The following FANCG variants were observed in gnomAD, a reference collection of about 807,000 sequenced individuals.
The protein encoded by FANCG is Fanconi anemia group G protein.
Under a neutral mutation model 73.3 loss-of-function variants are expected in FANCG, and 67 were observed. The observed-to-expected ratio is 0.91, with a 90% CI of 0.75 to 1.12. The LOEUF is 1.12. Among genes scored for constraint, FANCG ranks in the 50% most tolerant of loss-of-function variants. The pLI is 0.00. For synonymous variants in FANCG, 297 were observed against 311.6 expected, an observed-to-expected ratio of 0.95 and a Z score of 0.49; for missense variants, 643 against 735.6, an observed-to-expected ratio of 0.87 and a Z score of 1.46.
rs775291829 is a variant in FANCG at position 35,077,276 on chromosome 9, C to T, written c.634G>A (p.Ala212Thr). The change falls in exon 5 of 14, where the codon GCC (alanine) becomes ACC (threonine). Residue 212 changes from alanine to threonine, a missense_variant. Transcript: ENST00000378643. ...GLKDVLLTAF[A>T]YRQGLQELIT... ...GTTGCTAGCTGACCTTGGCGGTAGG[C>T]AAATGCTGTCAGGAGGACATCCTTC... 30 of 1,614,174 alleles carry T rather than the reference C, an allele frequency of 1.9e-5. No individual in the cohort carries two copies. The highest frequency in any genetic ancestry group is 1.5e-5 in the Non-Finnish European group (18 of 1,180,016).
intron 8 of FANCG, 134 bp downstream of exon 8, chr9:35,076,298 G>A: frequency 1.9e-6 from 2 of 1,041,992 alleles, no homozygotes; most frequent in Non-Finnish European, 3.0e-6. Context: ...CAAGGTAAGA[G>A]GCTGAGGAGT....
At chr9:35,074,319 C>A (rs1829038815) in intron 13 of FANCG, 52 bp downstream of exon 13, 19 of 1,613,588 alleles carry the variant, frequency 1.2e-5, no homozygotes, top group Non-Finnish European at 1.5e-5. Context: ...GGTCCAAGGA[C>A]TCTAGGACAC....
In FANCG at chr9:35,077,738, G is replaced by GCCCT. The variant is rs377085308; in HGVS notation, c.511-343_511-340dup. On this transcript the variant is annotated intron_variant, in intron 4 of 13. Coordinates refer to ENST00000378643, the MANE Select transcript of FANCG (RefSeq NM_004629.2). ...AGCTGACTTGAGCAAGATCACAAGAGCCCTATCCCTATCCAAAAAAAAATT... is the reference window on the plus strand; with the variant it reads ...AGCTGACTTGAGCAAGATCACAAGAGCCCTCCCTATCCCTATCCAAAAAAAAATT... Among the ~76,000 whole-genome samples the GCCCT allele has an allele frequency of 6.1e-3, 928 of 151,800 alleles. 10 individuals are homozygous for GCCCT. The highest frequency in any genetic ancestry group is 0.02 in the African/African-American group (845 of 41,278).
chr9:35,077,518 C>T, intron 4 of FANCG, 119 bp from the exon 5 acceptor site: 1 of 1,203,572 alleles, frequency 8.3e-7, no homozygotes, highest in Admixed American at 1.8e-5. Flanking sequence ...AGGACACAGG[C>T]CTCAGCTACC....
In FANCG at chr9:35,078,604, C is replaced by G. The variant is rs200479612; in HGVS notation, c.307+1G>C. On this transcript the variant is annotated splice_donor_variant, in intron 3 of 13. Coordinates refer to ENST00000378643, the MANE Select transcript of FANCG (RefSeq NM_004629.2). LOFTEE classifies it high-confidence loss of function. ...AATCAGGGACAATCTCTGGCCCTCACCTCTCTCTAGGCTCCGCTGGATATC... is the reference window on the plus strand; with the variant it reads ...AATCAGGGACAATCTCTGGCCCTCAGCTCTCTCTAGGCTCCGCTGGATATC... 36 of 1,614,040 alleles carry G rather than the reference C, an allele frequency of 2.2e-5. No individual in the cohort carries two copies. The East Asian group carries it at 6.2e-4, about 28-fold the overall frequency.
intron 4 of FANCG, 103 bp from the exon 5 acceptor site, chr9:35,077,502 T>C: frequency 4.2e-6 from 6 of 1,429,674 alleles, no homozygotes; most frequent in Non-Finnish European, 5.9e-6. Flanking sequence ...GTCCTCTTGA[T>C]CCTTGAGGAC....
chr9:35,079,390 G>T, intron 1 of FANCG, 51 bp downstream of exon 1: 1 of 1,605,744 alleles, frequency 6.2e-7, no homozygotes, highest in East Asian at 2.2e-5. Flanking sequence ...CTGCAAACCC[G>T]CTTTCAGGGA....
Position 35,074,475 on chromosome 9 carries a change from AAAGT to A in FANCG, c.1652_1655del (p.Tyr551PhefsTer7), listed in dbSNP as rs770263417. On this transcript the variant is annotated frameshift_variant, in exon 13 of 14. Coordinates refer to ENST00000378643, the MANE Select transcript of FANCG (RefSeq NM_004629.2). LOFTEE classifies it high-confidence loss of function. ...GCCTCTTCAGAGTCTGAAGCAGGTGAAAGTAAGTGTCTCGATTACCTGTAGCCCC... is the reference window on the plus strand; with the variant it reads ...GCCTCTTCAGAGTCTGAAGCAGGTGAAAGTGTCTCGATTACCTGTAGCCCC... 2 of 1,614,162 alleles carry A rather than the reference AAAGT, an allele frequency of 1.2e-6. No individual in the cohort carries two copies. The highest frequency in any genetic ancestry group is 2.2e-5 in the South Asian group (2 of 91,084).
At position 35,074,993 on chromosome 9, in the gene FANCG, A is replaced by T. The variant is rs776904008; in HGVS notation, c.1570T>A (p.Trp524Arg). Residue 524 changes from tryptophan to arginine, a missense_variant, in exon 12 of 14, where the codon TGG becomes AGG. By Grantham distance (101) the Trp-to-Arg change is moderately radical. Coordinates refer to ENST00000378643, the MANE Select transcript of FANCG (RefSeq NM_004629.2). ...TTGGTATCCTGGCCGCTGGCTACCCATTCCAGTCCACGACTAATTAGGGCG... is the reference window on the plus strand; with the variant it reads ...TTGGTATCCTGGCCGCTGGCTACCCTTTCCAGTCCACGACTAATTAGGGCG... The part of the protein sequence containing the change: ...AAALISRGLE[W>R]VASGQDTKAL... The T allele has an allele frequency of 6.2e-7, 1 of 1,614,210 alleles. No homozygotes were observed. The highest frequency in any genetic ancestry group is 8.5e-7 in the Non-Finnish European group (1 of 1,180,038).
chr9:35,078,883 G>A (rs1829133209), intron 2 of FANCG, 147 bp from the exon 3 acceptor site: 9 of 1,209,338 alleles, frequency 7.4e-6, no homozygotes, highest in Non-Finnish European at 9.4e-6. Flanking sequence ...TTTAAAAAAA[G>A]AACCCAACCT....
In FANCG at chr9:35,076,542, G is replaced by A; in HGVS notation, c.966C>T (p.Leu322=). ...VPCSSKAPQF[L]IEVELLLPPP... ...GTGGCAGTAGTAATTCTACCTCAAT[G>A]AGAAACTGCGGGGCTTTGGAACTGC... Residue 322 remains leucine, a synonymous_variant, in exon 8 of 14, where the codon CTC becomes CTT. Transcript: ENST00000378643. 6.2e-7 allele frequency: 1 copy of A among 1,614,190 alleles called. No individual in the cohort carries two copies. The highest frequency in any genetic ancestry group is 1.1e-5 in the South Asian group (1 of 91,086).
Position 35,073,970 on chromosome 9 carries a change from C to T in FANCG, c.*138G>A, listed in dbSNP as rs1258020730. On this transcript the variant is annotated 3_prime_UTR_variant, in exon 14 of 14. Transcript: ENST00000378643. The stretch of plus-strand genomic sequence containing the variant: ...GAATGGTAGTAACTAGGGCAAATTT[C>T]ACAGGCCTACCACCAATCTCACCAG... 1.3e-6 allele frequency: 1 copy of T among 747,458 alleles called. No individual in the cohort carries two copies. The highest frequency in any genetic ancestry group is 2.4e-6 in the Non-Finnish European group (1 of 422,006). 46.3% of individuals were successfully genotyped at this position (747,458 alleles called of 1,614,324 possible).
chr9:35,074,544 G>C (rs1024155995), intron 12 of FANCG, 50 bp from the exon 13 acceptor site: 8 of 1,612,926 alleles, frequency 5.0e-6, no homozygotes, highest in Non-Finnish European at 6.8e-6. Context: ...CATAGTCTTA[G>C]GCATTGTTTT....
chr9:35,074,442 C>G lies in FANCG; in HGVS notation c.1689G>C (p.Arg563=), dbSNP rs138855718. Residue 563 remains arginine, a synonymous_variant, in exon 13 of 14, where the codon CGG becomes CGC. Transcript: ENST00000378643. Reference sequence around the variant, plus strand: ...ACCAGAGTGCAGTGGCCTCATCCCTCCGATCTAGCCTCTTCAGAGTCTGAA... The same window carrying G: ...ACCAGAGTGCAGTGGCCTCATCCCTGCGATCTAGCCTCTTCAGAGTCTGAA... The part of the protein sequence containing the change: ...HLLQTLKRLD[R]RDEATALWWR... 1.5e-4 allele frequency: 244 copies of G among 1,614,066 alleles called. No homozygotes were observed. The highest frequency in any genetic ancestry group is 2.0e-4 in the Non-Finnish European group (238 of 1,180,036).
chr9:35,074,182 A>G lies in FANCG; in HGVS notation c.1795T>C (p.Trp599Arg). Reference sequence around the variant, plus strand: ...GCGTCACGATCAGAGGGACGGATCCAGCTCAAATAGCTTTCTAGGTACAGG... The same window carrying G: ...GCGTCACGATCAGAGGGACGGATCCGGCTCAAATAGCTTTCTAGGTACAGG... Reference protein sequence around the residue: ...LPLYLESYLSWIRPSDRDAFL... With the variant: ...LPLYLESYLSRIRPSDRDAFL... The change falls in exon 14 of 14, where the codon TGG (tryptophan) becomes CGG (arginine). Residue 599 changes from tryptophan (W) to arginine (R), a missense_variant. Physicochemically the swap from Trp to Arg is moderately radical, Grantham distance 101. Transcript: ENST00000378643. 6.2e-7 allele frequency: 1 copy of G among 1,614,078 alleles called. No homozygotes were observed. The highest frequency in any genetic ancestry group is 8.5e-7 in the Non-Finnish European group (1 of 1,179,874).
rs961011231 is a variant in FANCG at position 35,077,385 on chromosome 9, C to G, written c.525G>C (p.Lys175Asn). The change falls in exon 5 of 14, where the codon AAG becomes AAC. Residue 175 changes from lysine (K) to asparagine (N), a missense_variant. Coordinates refer to ENST00000378643, the MANE Select transcript of FANCG (RefSeq NM_004629.2). ...AAGTTTTCAGAAGTAACAGCAGATCCTTAGAGGCTCCACTCTGGGGAAAGA... is the reference window on the plus strand; with the variant it reads ...AAGTTTTCAGAAGTAACAGCAGATCGTTAGAGGCTCCACTCTGGGGAAAGA... Reference protein sequence around the residue: ...TLNGSQSGASKDLLLLLKTWS... With the variant: ...TLNGSQSGASNDLLLLLKTWS... 19 of 1,613,976 alleles carry G rather than the reference C, an allele frequency of 1.2e-5. No individual in the cohort carries two copies. The highest frequency in any genetic ancestry group is 1.5e-5 in the Non-Finnish European group (18 of 1,180,018).
chr9:35,079,648 T>G lies in FANCG; in HGVS notation c.-124A>C, dbSNP rs1486039897. The G allele has an allele frequency of 1.1e-6, 1 of 935,760 alleles. No individual in the cohort carries two copies. The highest frequency in any genetic ancestry group is 1.6e-5 in the African/African-American group (1 of 62,032). 58.0% of individuals were successfully genotyped at this position (935,760 alleles called of 1,614,324 possible). On this transcript the variant is annotated 5_prime_UTR_variant, in exon 1 of 14. Coordinates refer to ENST00000378643, the MANE Select transcript of FANCG (RefSeq NM_004629.2). Reference sequence around the variant, plus strand: ...TCTGCACCCCGCCGAGCTCCCCTGCTTCTCTCGGGGTCCCAATCCACCCGC... The same window carrying G: ...TCTGCACCCCGCCGAGCTCCCCTGCGTCTCTCGGGGTCCCAATCCACCCGC...
chr9:35,079,568 G>A lies in FANCG; in HGVS notation c.-44C>T. On this transcript the variant is annotated 5_prime_UTR_variant, in exon 1 of 14. Coordinates refer to ENST00000378643, the MANE Select transcript of FANCG (RefSeq NM_004629.2). ...CGGAGACCAGAAGCGGACTTAGGAA[G>A]GGTGAAGCTGGCCTGCCCAAGCTCC... 1.9e-6 allele frequency: 3 copies of A among 1,599,890 alleles called. No homozygotes were observed. The highest frequency in any genetic ancestry group is 2.6e-6 in the Non-Finnish European group (3 of 1,167,890).
At chr9:35,075,880 C>T in intron 9 of FANCG, 82 bp downstream of exon 9, 2 of 1,571,826 alleles carry the variant, frequency 1.3e-6, no homozygotes, top group Non-Finnish European at 1.8e-6. Context: ...GAGGAAAAAA[C>T]AAAAAATTGC....
Sources: gnomAD v4.1 joint callset for allele counts (sites outside exome capture counted in the v4.1 genomes callset) on GRCh38, gnomAD v4.1.1 for gene constraint, MANE v1.5 for transcripts, NCBI Gene and HGNC (gene_info 2026-07-23, HGNC 2026-07-21) for gene names.